Variants in FAM81B observed in about 807,000 individuals in gnomAD.
FAM81B encodes family with sequence similarity 81 member B, also known as protein FAM81B.
In FAM81B, 60 loss-of-function variants were observed where a neutral mutation model predicts 58.7. The observed-to-expected ratio is 1.02, with a 90% CI of 0.83 to 1.27. The LOEUF (loss-of-function observed/expected upper bound fraction) is 1.27, where lower values mean the gene tolerates loss of function less well. Ranked by LOEUF, FAM81B falls within the 50% of genes most tolerant of loss-of-function variation. The pLI is 0.00. For synonymous variants in FAM81B, 189 were observed against 179.6 expected, an observed-to-expected ratio of 1.05 and a Z score of -0.42; for missense variants, 491 against 522.0, an observed-to-expected ratio of 0.94 and a Z score of 0.58.
At chr5:95,424,067 G>A (rs570207069) in intron 5 of FAM81B, 65 of 1,289,672 alleles carry the variant, frequency 5.0e-5, no homozygotes, top group Non-Finnish European at 6.1e-5. Context: ...CTCCTTGCCC[G>A]CTTATACCTG....
intron 5 of FAM81B, among the ~76,000 whole-genome samples, chr5:95,423,162 C>T (rs1416961929): frequency 6.6e-6 from 1 of 152,096 alleles, no homozygotes; most frequent in Admixed American, 6.5e-5. Flanking sequence ...ATTGTTTTAA[C>T]ATAATTACTA....
At chr5:95,429,683 C>A (rs1214283643) in intron 6 of FAM81B, among the ~76,000 whole-genome samples, 1 of 152,152 alleles carries the variant, frequency 6.6e-6, no homozygotes, top group Non-Finnish European at 1.5e-5. Flanking sequence ...AATTTTATCT[C>A]TGGTTTTCTG....
At chr5:95,424,268 C>A in intron 5 of FAM81B, 1 of 1,251,826 alleles carries the variant, frequency 8.0e-7, no homozygotes, top group Non-Finnish European at 1.0e-6. Context: ...CTATCATCCC[C>A]AGATAGACAG....
chr5:95,400,614 G>T (rs1582784307), intron 3 of FAM81B, among the ~76,000 whole-genome samples: 1 of 152,012 alleles, frequency 6.6e-6, no homozygotes, highest in South Asian at 2.1e-4. Context: ...GTTTCTTTTG[G>T]GGGGACACAA....
chr5:95,395,869 A>G (rs978549905), intron 2 of FAM81B, among the ~76,000 whole-genome samples: 1 of 152,186 alleles, frequency 6.6e-6, no homozygotes, highest in East Asian at 1.9e-4. Context: ...GACTTTTCCA[A>G]AAAGGTTTTC....
At chr5:95,408,560 G>A (rs2152762442) in intron 3 of FAM81B, among the ~76,000 whole-genome samples, 1 of 152,282 alleles carries the variant, frequency 6.6e-6, no homozygotes, top group East Asian at 1.9e-4. Flanking sequence ...GAGTTTGGAG[G>A]GGACCTCTTC....
chr5:95,398,415 T>C (rs1762017694), intron 3 of FAM81B, among the ~76,000 whole-genome samples: 1 of 135,374 alleles, frequency 7.4e-6, no homozygotes, highest in African/African-American at 2.9e-5. Flanking sequence ...TGAAACTCAA[T>C]CTCTAAATAA....
At chr5:95,428,302 A>G (rs10515226) in intron 5 of FAM81B, among the ~76,000 whole-genome samples, 17,025 of 152,188 alleles carry the variant, frequency 0.11, 1,089 homozygotes, top group African/African-American at 0.16. Context: ...TATAACTCCT[A>G]TGACTAAGTT....
At chr5:95,423,879 A>G (rs1762753466) in intron 5 of FAM81B, among the ~76,000 whole-genome samples, 1 of 152,210 alleles carries the variant, frequency 6.6e-6, no homozygotes, top group Admixed American at 6.5e-5. Context: ...GTCAACAGTC[A>G]TAATTTTGAG....
At chr5:95,396,215 C>A in intron 3 of FAM81B, 40 bp downstream of exon 3, 1 of 1,454,044 alleles carries the variant, frequency 6.9e-7, no homozygotes, top group Non-Finnish European at 9.4e-7. Flanking sequence ...CTATTAACTG[C>A]ATTTATTGTG....
chr5:95,448,005 A>C (rs904030746), intron 8 of FAM81B, among the ~76,000 whole-genome samples: 5 of 152,094 alleles, frequency 3.3e-5, no homozygotes, highest in African/African-American at 1.2e-4. Context: ...TGAATATTAG[A>C]CTTAAATGCC....
intron 3 of FAM81B, among the ~76,000 whole-genome samples, chr5:95,412,762 T>C (rs998144879): frequency 2.0e-5 from 3 of 152,168 alleles, no homozygotes; most frequent in African/African-American, 4.8e-5. Context: ...CTTTTTCCAG[T>C]CATTAATATA....
At chr5:95,446,499 C>T in intron 7 of FAM81B, 63 bp from the exon 8 acceptor site, 3 of 1,425,952 alleles carry the variant, frequency 2.1e-6, no homozygotes, top group Admixed American at 2.6e-5. Flanking sequence ...CAGACTTTTT[C>T]AATACTAATT....
At chr5:95,448,741 T>A in intron 9 of FAM81B, 1 of 483,696 alleles carries the variant, frequency 2.1e-6, no homozygotes, top group Non-Finnish European at 4.0e-6. Context: ...TTTTACTAAT[T>A]CATGGAATTG....
At chr5:95,410,980 C>A (rs1488097771) in intron 3 of FAM81B, among the ~76,000 whole-genome samples, 2 of 152,190 alleles carry the variant, frequency 1.3e-5, no homozygotes. Context: ...GCCCCTTCTA[C>A]TGGGTCACAG....
At chr5:95,435,699 A>G (rs1262093750) in intron 6 of FAM81B, among the ~76,000 whole-genome samples, 2 of 152,144 alleles carry the variant, frequency 1.3e-5, no homozygotes, top group Admixed American at 1.3e-4. Context: ...TTTACTCTTC[A>G]TCTATAAAGA....
At chr5:95,397,602 C>CA (rs1761997780) in intron 3 of FAM81B, among the ~76,000 whole-genome samples, 1 of 152,166 alleles carries the variant, frequency 6.6e-6, no homozygotes, top group Non-Finnish European at 1.5e-5. Context: ...CAAACTTAAG[C>CA]AGCAGAAGAT....
chr5:95,422,864 C>T (rs190522195), intron 5 of FAM81B, among the ~76,000 whole-genome samples: 68 of 152,282 alleles, frequency 4.5e-4, no homozygotes, highest in African/African-American at 1.4e-3. Context: ...TTTTGCTCTG[C>T]TTGCGTTTTG....
chr5:95,449,067 C>T (rs1000339946), intron 9 of FAM81B, among the ~76,000 whole-genome samples: 1 of 152,076 alleles, frequency 6.6e-6, no homozygotes, highest in African/African-American at 2.4e-5. Flanking sequence ...CAGCCATCTG[C>T]CTTGAGTCAT....
Sources: allele counts gnomAD v4.1 joint callset (sites outside exome capture counted in the v4.1 genomes callset), GRCh38; gene constraint gnomAD v4.1.1; transcripts MANE v1.5; gene names NCBI Gene and HGNC (gene_info 2026-07-23, HGNC 2026-07-21).